Variants in CUL1 observed in about 807,000 individuals in gnomAD.
CUL1 encodes cullin 1.
CUL1 carries 24 observed loss-of-function variants against 118.0 expected under a neutral mutation model. The ratio of observed to expected loss-of-function variants is 0.20; its 90% CI spans 0.15 to 0.29. The LOEUF (loss-of-function observed/expected upper bound fraction) is 0.29. Ranked by LOEUF, CUL1 falls within the 10% of genes least tolerant of loss-of-function variation. The pLI, the probability that CUL1 is intolerant of heterozygous loss-of-function variation, is 1.00. For synonymous variants in CUL1, 332 were observed against 340.4 expected, an observed-to-expected ratio of 0.98 and a Z score of 0.27; for missense variants, 361 against 933.8, an observed-to-expected ratio of 0.39 and a Z score of 7.99.
chr7:148,708,405 C>A (rs1039093568), intron 1 of CUL1, among the ~76,000 whole-genome samples: 1 of 152,240 alleles, frequency 6.6e-6, no homozygotes, highest in African/African-American at 2.4e-5. Context: ...CCAAATCTTA[C>A]TAGTTCCTCC....
chr7:148,749,386 A>G (rs1210844510), intron 2 of CUL1, among the ~76,000 whole-genome samples: 1 of 131,610 alleles, frequency 7.6e-6, no homozygotes, highest in African/African-American at 2.9e-5. Flanking sequence ...ACAGCTCTCC[A>G]GCCTGGGCAA....
At chr7:148,759,739 A>T in intron 6 of CUL1, 101 bp downstream of exon 6, 1 of 554,344 alleles carries the variant, frequency 1.8e-6, no homozygotes, top group Non-Finnish European at 3.1e-6. Context: ...AATATTATAA[A>T]GGATATTGTT....
Position 148,762,391 on chromosome 7 carries a change from A to C in CUL1, c.789+1895A>C, listed in dbSNP as rs137918877. ...ACAAATCTCTGCTATCTCAAAATCTAACAAAAATGGAACTATTCGGGGTAT... is the reference window on the plus strand; with the variant it reads ...ACAAATCTCTGCTATCTCAAAATCTCACAAAAATGGAACTATTCGGGGTAT... On this transcript the variant is annotated intron_variant, in intron 7 of 21. Coordinates refer to ENST00000325222, the MANE Select transcript of CUL1 (RefSeq NM_003592.3). 1.4e-3 allele frequency among the ~76,000 whole-genome samples: 219 copies of C among 152,316 alleles called. 1 individual carries two copies. The highest frequency in any genetic ancestry group is 0.014 in the Middle Eastern group (4 of 294).
At chr7:148,739,008 G>A (rs1402090394) in intron 2 of CUL1, among the ~76,000 whole-genome samples, 1 of 152,176 alleles carries the variant, frequency 6.6e-6, no homozygotes, top group South Asian at 2.1e-4. Flanking sequence ...AGAGAGCAGC[G>A]GGGAGGCTCC....
chr7:148,747,552 T>G (rs1046891065), intron 2 of CUL1, among the ~76,000 whole-genome samples: 3 of 152,118 alleles, frequency 2.0e-5, no homozygotes, highest in Non-Finnish European at 4.4e-5. Flanking sequence ...CATGGAAACC[T>G]GGAAGACAGA....
At chr7:148,795,805 G>C (rs1459031229) in intron 17 of CUL1, among the ~76,000 whole-genome samples, 2 of 147,536 alleles carry the variant, frequency 1.4e-5, no homozygotes, top group Non-Finnish European at 3.0e-5. Flanking sequence ...ACTAATTATT[G>C]TATTTTGATT....
chr7:148,789,273 C>T (rs115666938), intron 14 of CUL1, among the ~76,000 whole-genome samples: 88 of 152,230 alleles, frequency 5.8e-4, no homozygotes, highest in African/African-American at 1.9e-3. Flanking sequence ...TAACTATCTG[C>T]GAAGATGAAA....
intron 9 of CUL1, among the ~76,000 whole-genome samples, chr7:148,773,397 G>A (rs2129461495): frequency 6.6e-6 from 1 of 152,136 alleles, no homozygotes; most frequent in South Asian, 2.1e-4. Flanking sequence ...TCTAGAAAGA[G>A]CTGACCTTAA....
intron 1 of CUL1, among the ~76,000 whole-genome samples, chr7:148,709,412 A>G (rs1194947781): frequency 6.6e-6 from 1 of 152,242 alleles, no homozygotes; most frequent in Admixed American, 6.5e-5. Flanking sequence ...AGTTTGTGAG[A>G]TTCAAGTCCT....
At chr7:148,746,660 T>C (rs1381193910) in intron 2 of CUL1, among the ~76,000 whole-genome samples, 2 of 152,208 alleles carry the variant, frequency 1.3e-5, no homozygotes, top group African/African-American at 4.8e-5. Context: ...TCCTAGCCAA[T>C]CTATTTAGCT....
At chr7:148,707,173 A>T (rs1395912226) in intron 1 of CUL1, among the ~76,000 whole-genome samples, 1 of 152,160 alleles carries the variant, frequency 6.6e-6, no homozygotes, top group Non-Finnish European at 1.5e-5. Context: ...GAATGTGGAA[A>T]ATTAGGTCTT....
At chr7:148,720,971 G>A (rs1354000335) in intron 1 of CUL1, among the ~76,000 whole-genome samples, 1 of 152,118 alleles carries the variant, frequency 6.6e-6, no homozygotes, top group African/African-American at 2.4e-5. Flanking sequence ...ACCTAATATT[G>A]GCTGTACACT....
chr7:148,755,930 C>T (rs924416850), intron 3 of CUL1, among the ~76,000 whole-genome samples: 6 of 152,224 alleles, frequency 3.9e-5, no homozygotes, highest in Non-Finnish European at 7.3e-5. Flanking sequence ...CCAGTGGGCT[C>T]GCCCCAGCCC....
intron 7 of CUL1, among the ~76,000 whole-genome samples, chr7:148,760,816 G>A (rs570975979): frequency 6.6e-6 from 1 of 152,260 alleles, no homozygotes; most frequent in South Asian, 2.1e-4. Context: ...AAAATTTTAA[G>A]AAACAAATAT....
At chr7:148,727,394 A>G (rs1798620897) in intron 1 of CUL1, among the ~76,000 whole-genome samples, 1 of 152,238 alleles carries the variant, frequency 6.6e-6, no homozygotes, top group African/African-American at 2.4e-5. Context: ...CTGGTATTTT[A>G]TTCCTAAATC....
At chr7:148,795,769 C>CAAA (rs915978562) in intron 17 of CUL1, among the ~76,000 whole-genome samples, 1 of 56,064 alleles carries the variant, frequency 1.8e-5, no homozygotes, top group African/African-American at 6.4e-5. Flanking sequence ...GACTCTGTCT[C>CAAA]AAAAAAAAAA....
Position 148,730,235 on chromosome 7 carries a change from C to T in CUL1, c.113C>T (p.Ala38Val). Residue 38 changes from alanine (A) to valine (V), a missense_variant, in exon 2 of 22, where the codon GCC becomes GTC. Physicochemically the swap from Ala to Val is moderately conservative, Grantham distance 64. Transcript: ENST00000325222. ...CAGGTGTACACACGGCAGAGCATGGCCAAGTCCAGATATATGGAGCTCTAC... is the reference window on the plus strand; with the variant it reads ...CAGGTGTACACACGGCAGAGCATGGTCAAGTCCAGATATATGGAGCTCTAC... ...IQQVYTRQSM[A>V]KSRYMELYTH... 1 of 1,600,346 alleles carries T rather than the reference C, an allele frequency of 6.2e-7. No homozygotes were observed. Among genetic ancestry groups the T allele is most frequent in the Non-Finnish European group, 8.5e-7 (1 of 1,173,716 alleles).
intron 2 of CUL1, among the ~76,000 whole-genome samples, chr7:148,742,226 T>C (rs1481322592): frequency 6.6e-6 from 1 of 152,214 alleles, no homozygotes; most frequent in South Asian, 2.1e-4. Flanking sequence ...AATAAAGATA[T>C]ACCCGAGACT....
intron 2 of CUL1, among the ~76,000 whole-genome samples, chr7:148,740,063 T>TA (rs1799091980): frequency 6.6e-6 from 1 of 152,046 alleles, no homozygotes; most frequent in South Asian, 2.1e-4. Context: ...AATGGCTTTT[T>TA]TTTTTTTTGA....
Sources: gnomAD v4.1 joint callset for allele counts (sites outside exome capture counted in the v4.1 genomes callset) on GRCh38, gnomAD v4.1.1 for gene constraint, MANE v1.5 for transcripts, NCBI Gene and HGNC (gene_info 2026-07-23, HGNC 2026-07-21) for gene names.